The following HYDIN variants were observed in gnomAD, a reference collection of about 807,000 sequenced individuals.
HYDIN encodes HYDIN axonemal central pair apparatus protein.
HYDIN carries 132 observed loss-of-function variants against 403.9 expected under a neutral mutation model. The observed-to-expected ratio is 0.33, with a 90% confidence interval of 0.28 to 0.38. The LOEUF (loss-of-function observed/expected upper bound fraction) is 0.38. Among genes scored for constraint, HYDIN ranks in the 10% least tolerant of loss-of-function variants. HYDIN has a pLI of 1.00. For missense variants in HYDIN, 2,827 were observed against 5,009.5 expected, an observed-to-expected ratio of 0.56 and a Z score of 13.15; for synonymous variants, 1,202 against 1,891.7, an observed-to-expected ratio of 0.64 and a Z score of 9.46.
At chr16:71,059,828 T>C (rs1296598334) in intron 18 of HYDIN, among the ~76,000 whole-genome samples, 1 of 152,190 alleles carries the variant, frequency 6.6e-6, no homozygotes, top group Non-Finnish European at 1.5e-5. Context: ...GCATGGGGGT[T>C]TGGTGTCCCT....
At chr16:71,158,792 T>C (rs2085888398) in intron 6 of HYDIN, among the ~76,000 whole-genome samples, 1 of 150,560 alleles carries the variant, frequency 6.6e-6, no homozygotes, top group South Asian at 2.1e-4. Context: ...ACCAATCCTC[T>C]TACCTTGGCC....
At chr16:70,838,555 G>A (rs1370190013) in intron 76 of HYDIN, among the ~76,000 whole-genome samples, 1 of 152,086 alleles carries the variant, frequency 6.6e-6, no homozygotes, top group African/African-American at 2.4e-5. Flanking sequence ...TCATAAGAAG[G>A]AAGTGCTTCC....
intron 18 of HYDIN, among the ~76,000 whole-genome samples, chr16:71,052,296 T>C (rs2081682565): frequency 6.6e-6 from 1 of 151,620 alleles, no homozygotes; most frequent in African/African-American, 2.4e-5. Context: ...GACACTGAGA[T>C]AGATAAATGG....
intron 8 of HYDIN, chr16:71,132,004 G>A (rs1230582673): frequency 6.6e-6 from 1 of 150,422 alleles, no homozygotes; most frequent in East Asian, 1.9e-4. Context: ...TCCCACTTTT[G>A]TAATAAAAAA....
At chr16:71,093,768 C>A (rs1555639565) in intron 11 of HYDIN, 49 bp downstream of exon 11, 2 of 1,581,658 alleles carry the variant, frequency 1.3e-6, no homozygotes, top group Non-Finnish European at 1.7e-6. Context: ...AAACAAACCC[C>A]AAAAGCCAAG....
chr16:70,867,071 G>T (rs1292065742), intron 66 of HYDIN, among the ~76,000 whole-genome samples: 1 of 146,282 alleles, frequency 6.8e-6, no homozygotes, highest in African/African-American at 2.5e-5. Context: ...ATTTGGTAAG[G>T]ATATTTGCAG....
At chr16:71,193,270 G>A (rs1475809094) in intron 1 of HYDIN, among the ~76,000 whole-genome samples, 1 of 152,148 alleles carries the variant, frequency 6.6e-6, no homozygotes, top group Non-Finnish European at 1.5e-5. Flanking sequence ...CTTCTCAGAG[G>A]AACTATTTCG....
At position 70,840,091 on chromosome 16, in the gene HYDIN, A is replaced by G; in HGVS notation, c.13016T>C (p.Ile4339Thr). The G allele has an allele frequency of 2.5e-6, 2 of 807,264 alleles. No homozygotes were observed. The highest frequency in any genetic ancestry group is 1.9e-6 in the Non-Finnish European group (1 of 518,832). 50.0% of individuals were successfully genotyped at this position (807,264 alleles called of 1,614,324 possible). ...GMPPYKQTLVITNKEETPMSI... is the reference protein window; with the variant it reads ...GMPPYKQTLVTTNKEETPMSI... ...CATAGGTGTTTCTTCCTTGTTGGTA[A>G]TTACCAGGGTTTGTTTGTATGGGGG... The change falls in exon 76 of 86, where the codon ATT (isoleucine) becomes ACT (threonine). Residue 4339 changes from isoleucine (I) to threonine (T), a missense_variant. By Grantham distance (89) the Ile-to-Thr change is moderately conservative. Transcript: ENST00000393567.
chr16:70,897,607 CCAGGGT>C (rs2076241990), intron 53 of HYDIN, among the ~76,000 whole-genome samples: 2 of 142,522 alleles, frequency 1.4e-5, no homozygotes, highest in South Asian at 4.2e-4. Flanking sequence ...CTCGGCTTCC[CCAGGGT>C]GGGTCGGAGG....
intron 81 of HYDIN, among the ~76,000 whole-genome samples, chr16:70,828,743 A>G (rs1354652427): frequency 6.6e-6 from 1 of 152,224 alleles, no homozygotes; most frequent in African/African-American, 2.4e-5. Flanking sequence ...ACTGTAAAAC[A>G]AATTGTGGAA....
chr16:71,225,401 C>T (rs916513137), intron 1 of HYDIN, among the ~76,000 whole-genome samples: 3 of 152,174 alleles, frequency 2.0e-5, no homozygotes, highest in African/African-American at 7.2e-5. Flanking sequence ...TGCAGTCATA[C>T]CTAGGTAGAA....
chr16:71,228,870 G>A (rs563232779), intron 1 of HYDIN, among the ~76,000 whole-genome samples: 9 of 152,078 alleles, frequency 5.9e-5, no homozygotes, highest in South Asian at 2.1e-4. Flanking sequence ...TGTTTATTGC[G>A]GCACTATTCA....
At chr16:71,112,850 T>G (rs1040926854) in intron 10 of HYDIN, among the ~76,000 whole-genome samples, 1 of 152,110 alleles carries the variant, frequency 6.6e-6, no homozygotes, top group Non-Finnish European at 1.5e-5. Flanking sequence ...CATCAAGAGA[T>G]AATGTAAAGT....
chr16:71,177,509 C>A (rs545068432), intron 4 of HYDIN, among the ~76,000 whole-genome samples: 20 of 152,146 alleles, frequency 1.3e-4, no homozygotes, highest in Non-Finnish European at 2.5e-4. Context: ...TGAAACAGAC[C>A]ATTTTCTCCA....
intron 1 of HYDIN, among the ~76,000 whole-genome samples, chr16:71,206,333 G>C (rs989623027): frequency 6.6e-6 from 1 of 152,160 alleles, no homozygotes; most frequent in Non-Finnish European, 1.5e-5. Context: ...GCTCCTCTAA[G>C]ACCCAGAAGA....
Position 71,178,963 on chromosome 16 carries a change from A to C in HYDIN, c.346T>G (p.Tyr116Asp). ...TTCCTCAAAATCAGTGGAACTTCAT[A>C]GACTTCACAGGGAGTGTAGTTCTGA... ...IFQNYTPCEV[Y>D]EVPLILRNND... Residue 116 changes from tyrosine to aspartate, a missense_variant, in exon 4 of 86, where the codon TAT becomes GAT. Tyr to Asp is a radical substitution (Grantham distance 160, BLOSUM62 -3). Transcript: ENST00000393567. 6.2e-7 allele frequency: 1 copy of C among 1,612,220 alleles called. No individual in the cohort carries two copies. The highest frequency in any genetic ancestry group is 8.5e-7 in the Non-Finnish European group (1 of 1,178,666).
At chr16:71,154,122 TAC>T (rs1194763667) in intron 6 of HYDIN, among the ~76,000 whole-genome samples, 8 of 137,494 alleles carry the variant, frequency 5.8e-5, no homozygotes, top group Admixed American at 1.5e-4. Context: ...GCTATAAGGA[TAC>T]AGAGTTTATG....
At chr16:70,834,886 GTGTGTA>G (rs2037272212) in intron 78 of HYDIN, among the ~76,000 whole-genome samples, 2 of 148,166 alleles carry the variant, frequency 1.3e-5, no homozygotes, top group African/African-American at 5.0e-5. Flanking sequence ...GTGTGTGTGT[GTGTGTA>G]TATATATATA....
Position 70,862,151 on chromosome 16 carries a change from C to A in HYDIN, c.11674G>T (p.Val3892Leu). The part of the protein sequence containing the change: ...WAEGSPQPFS[V>L]EPSSGIVPVG... ...GGCACGATTCCCGAAGAGGGCTCCACAGAGAAGGGCTGTGGGGAACCCTCG... is the reference window on the plus strand; with the variant it reads ...GGCACGATTCCCGAAGAGGGCTCCAAAGAGAAGGGCTGTGGGGAACCCTCG... The change falls in exon 69 of 86, where the codon GTG becomes TTG. Residue 3892 changes from valine to leucine, a missense_variant. Transcript: ENST00000393567. 6.2e-7 allele frequency: 1 copy of A among 1,612,416 alleles called. No individual in the cohort carries two copies. Among genetic ancestry groups the A allele is most frequent in the Non-Finnish European group, 8.5e-7 (1 of 1,179,410 alleles).
Sources: allele counts gnomAD v4.1 joint callset (sites outside exome capture counted in the v4.1 genomes callset), GRCh38; gene constraint gnomAD v4.1.1; transcripts MANE v1.5; gene names NCBI Gene and HGNC (gene_info 2026-07-23, HGNC 2026-07-21).